The following GGT7 variants were observed in gnomAD, a reference collection of about 807,000 sequenced individuals.
GGT7 encodes the protein gamma-glutamyltransferase 7.
GGT7 carries 30 observed loss-of-function variants against 69.2 expected under a neutral mutation model. That is an observed-to-expected ratio of 0.43 (90% CI 0.32 to 0.59). The LOEUF is 0.59. Among genes scored for constraint, GGT7 ranks in the 20% least tolerant of loss-of-function variants. The pLI is 0.05. For synonymous variants in GGT7, 388 were observed against 391.8 expected (o/e 0.99, Z 0.12); for missense variants, 733 against 901.1 (o/e 0.81, Z 2.39).
chr20:34,853,340 GGTGTGTGTGTGTGTGTGTGTGTGTGTGT>G (rs10527077), intron 10 of GGT7, among the ~76,000 whole-genome samples: 1 of 147,326 alleles, frequency 6.8e-6, no homozygotes, highest in Admixed American at 6.9e-5. Context: ...ATTTCATATA[GGTGTGTGTGTGTGTGTGTGTGTGTGTGT>G]GTGTGTGTGT....
At chr20:34,867,464 G>C (rs2079710426) in intron 1 of GGT7, among the ~76,000 whole-genome samples, 1 of 152,072 alleles carries the variant, frequency 6.6e-6, no homozygotes, top group South Asian at 2.1e-4. Flanking sequence ...TGTAATCTCA[G>C]CACTTTGGGA....
chr20:34,858,879 GA>G (rs1413121029), intron 7 of GGT7, among the ~76,000 whole-genome samples: 1 of 152,156 alleles, frequency 6.6e-6, no homozygotes, highest in Non-Finnish European at 1.5e-5. Context: ...AATCAAGACA[GA>G]ACACTTCTGG....
Position 34,845,112 on chromosome 20 carries a change from TCACCACCACCACCAC to T in GGT7, c.*201_*215del, listed in dbSNP as rs79530197. On this transcript the variant is annotated 3_prime_UTR_variant, in exon 15 of 15. Coordinates refer to ENST00000336431, the MANE Select transcript of GGT7 (RefSeq NM_178026.3). Reference sequence around the variant, plus strand: ...CTGGCTGTACTGTAGATGCTGACACTCACCACCACCACCACCACCACCACCACCACCACCACCACC... The same window carrying T: ...CTGGCTGTACTGTAGATGCTGACACTCACCACCACCACCACCACCACCACC... The T allele has an allele frequency of 3.4e-3, 1,327 of 389,926 alleles. 34 individuals carry two copies. Among genetic ancestry groups the T allele is most frequent in the African/African-American group, 0.023 (1,026 of 44,026 alleles). The allele number at this position is 389,926 out of a possible 1,614,324, so 24.2% of individuals were successfully genotyped here.
intron 14 of GGT7, among the ~76,000 whole-genome samples, chr20:34,848,825 T>G (rs931196598): frequency 1.3e-5 from 2 of 152,250 alleles, no homozygotes; most frequent in African/African-American, 4.8e-5. Flanking sequence ...AGGCAAGGAC[T>G]GTGTCTCAAT....
rs746544534 is a variant in GGT7 at position 34,852,248 on chromosome 20, G to T, written c.1494C>A (p.Ser498Arg). ...GGATCCCCGAGGGGGTGATAAGGCC[G>T]CTGCCAAAGGGCTGGTTCAGGGAGC... Reference protein sequence around the residue: ...MVSSLNQPFGSGLITPSGILL... With the variant: ...MVSSLNQPFGRGLITPSGILL... Residue 498 changes from serine to arginine, a missense_variant, in exon 12 of 15, where the codon AGC becomes AGA. Transcript: ENST00000336431. 1.2e-6 allele frequency: 2 copies of T among 1,613,586 alleles called. No individual in the cohort carries two copies. The highest frequency in any genetic ancestry group is 4.5e-5 in the East Asian group (2 of 44,882).
Position 34,861,449 on chromosome 20 carries a change from G to A in GGT7, c.671C>T (p.Thr224Ile), listed in dbSNP as rs900704074. 1 of 1,529,050 alleles carries A rather than the reference G, an allele frequency of 6.5e-7. No homozygotes were observed. Among genetic ancestry groups the A allele is most frequent in the Non-Finnish European group, 8.9e-7 (1 of 1,118,732 alleles). 94.7% of individuals were successfully genotyped at this position (1,529,050 alleles called of 1,614,324 possible). A position where few individuals can be genotyped will look rare whatever the true frequency, so the allele number is the denominator to read the frequency against. Reference sequence around the variant, plus strand: ...TCTTCTCACCAGGGTCCCCACCTTGGTCTCCCAGGATCTTTGCAGGGTCTC... The same window carrying A: ...TCTTCTCACCAGGGTCCCCACCTTGATCTCCCAGGATCTTTGCAGGGTCTC... ...REETLQRSWETKPGLLVGVPG... is the reference protein window; with the variant it reads ...REETLQRSWEIKPGLLVGVPG... The change falls in exon 4 of 15, where the codon ACC (threonine) becomes ATC (isoleucine). Residue 224 changes from threonine to isoleucine, a missense_variant. Coordinates refer to ENST00000336431, the MANE Select transcript of GGT7 (RefSeq NM_178026.3).
In GGT7 at chr20:34,863,576, G is replaced by C. The variant is rs1313551288; in HGVS notation, c.170-28C>G. ...GCGGGCAGGCAGCCGGGGTCGGTCT[G>C]GGCATCTCCTATCTGGCCCTGCCCA... is the stretch of plus-strand genomic sequence containing the variant. On this transcript the variant is annotated intron_variant, in intron 1 of 14. Coordinates refer to ENST00000336431, the MANE Select transcript of GGT7 (RefSeq NM_178026.3). This position sits in a 1 kb window ranked among gnomAD's most constrained non-coding sequence, Gnocchi z 4.4. The C allele has an allele frequency of 2.0e-6, 3 of 1,472,518 alleles. No homozygotes were observed. Among genetic ancestry groups the C allele is most frequent in the African/African-American group, 1.4e-5 (1 of 71,720 alleles). The allele number at this position is 1,472,518 out of a possible 1,614,324, so 91.2% of individuals were successfully genotyped here.
At chr20:34,845,974 C>T in intron 14 of GGT7, among the ~76,000 whole-genome samples, 1 of 151,856 alleles carries the variant, frequency 6.6e-6, no homozygotes, top group Non-Finnish European at 1.5e-5. Context: ...GTAGGAGGAT[C>T]GCTTGACCCT....
chr20:34,851,021 G>A, intron 13 of GGT7: 1 of 677,242 alleles, frequency 1.5e-6, no homozygotes, highest in Non-Finnish European at 2.6e-6. Flanking sequence ...CTGCAACCGG[G>A]AAAGACAGGG....
rs1383462200 is a variant in GGT7 at position 34,860,263 on chromosome 20, A to C, written c.734T>G (p.Leu245Arg). ...GGGGGAGGGTTGTTACCTGCCATAG[A>C]GCTGGTGAGCTTCATGTAGCCCCTT... The part of the protein sequence containing the change: ...MVKGLHEAHQ[L>R]YGRLPWSQVL... The change falls in exon 5 of 15, where the codon CTC (leucine) becomes CGC (arginine). Residue 245 changes from leucine to arginine, a missense_variant. Physicochemically the swap from Leu to Arg is moderately radical, Grantham distance 102 (BLOSUM62 -2). Transcript: ENST00000336431. 6.2e-7 allele frequency: 1 copy of C among 1,612,762 alleles called. No individual in the cohort carries two copies. Among genetic ancestry groups the C allele is most frequent in the East Asian group, 2.2e-5 (1 of 44,852 alleles).
chr20:34,863,029 A>T lies in GGT7; in HGVS notation c.406-64T>A. The T allele has an allele frequency of 6.7e-7, 1 of 1,498,872 alleles. No individual in the cohort carries two copies. The highest frequency in any genetic ancestry group is 2.4e-5 in the East Asian group (1 of 41,728). The allele number at this position is 1,498,872 out of a possible 1,614,324, so 92.8% of individuals were successfully genotyped here. A position where few individuals can be genotyped will look rare whatever the true frequency, so the allele number is the denominator to read the frequency against. Reference sequence around the variant, plus strand: ...CTGTCCACCTCCCTAGGGCACCTCCACTAGCCCTAGAACTCTACGCGGCAT... The same window carrying T: ...CTGTCCACCTCCCTAGGGCACCTCCTCTAGCCCTAGAACTCTACGCGGCAT... On this transcript the variant is annotated intron_variant, in intron 2 of 14. Transcript: ENST00000336431. This position sits in a 1 kb window ranked among gnomAD's most constrained non-coding sequence, Gnocchi z 4.4.
In GGT7 at chr20:34,871,300, GCC is replaced by G. The variant is rs1289537995; in HGVS notation, c.169+1345_169+1346del. ...TGTTGAGCTGGAAGAGGAAACTAAG[GCC>G]CAGGACAGGGTAGGTGTGCCTGTTG... On this transcript the variant is annotated intron_variant, in intron 1 of 14. Transcript: ENST00000336431. Among the ~76,000 whole-genome samples, 4 of 152,278 alleles carry G rather than the reference GCC, an allele frequency of 2.6e-5. No individual in the cohort carries two copies. In the East Asian group the frequency reaches 7.7e-4, roughly 29 times the overall value.
At chr20:34,864,908 C>T (rs113469998) in intron 1 of GGT7, among the ~76,000 whole-genome samples, 50 of 151,798 alleles carry the variant, frequency 3.3e-4, no homozygotes, top group Non-Finnish European at 5.4e-4. Flanking sequence ...CTGCACCCTC[C>T]GCTTCCTGGG....
At chr20:34,858,406 C>G (rs1469311033) in intron 7 of GGT7, among the ~76,000 whole-genome samples, 4 of 152,184 alleles carry the variant, frequency 2.6e-5, no homozygotes, top group Non-Finnish European at 5.9e-5. Context: ...TTGAGTCTAT[C>G]GCCACATCCA....
chr20:34,851,395 G>A (rs1181074906), intron 12 of GGT7, 27 bp from the exon 13 acceptor site: 1 of 1,592,568 alleles, frequency 6.3e-7, no homozygotes, highest in Non-Finnish European at 8.6e-7. Context: ...GAGACCACAA[G>A]GGGCAGGTGG....
intron 1 of GGT7, among the ~76,000 whole-genome samples, chr20:34,864,936 C>A (rs961313999): frequency 6.6e-6 from 1 of 152,004 alleles, no homozygotes; most frequent in African/African-American, 2.4e-5. Context: ...GACTCTCTTG[C>A]CTCAGCCTCT....
At chr20:34,851,876 G>A (rs1176805627) in intron 12 of GGT7, among the ~76,000 whole-genome samples, 1 of 152,240 alleles carries the variant, frequency 6.6e-6, no homozygotes, top group Non-Finnish European at 1.5e-5. Flanking sequence ...TCAAATAGGA[G>A]CCAAAACCCT....
chr20:34,863,601 A>G lies in GGT7; in HGVS notation c.170-53T>C. The G allele has an allele frequency of 8.1e-7, 1 of 1,227,830 alleles. No homozygotes were observed. The highest frequency in any genetic ancestry group is 1.5e-5 in the African/African-American group (1 of 67,154). The allele number at this position is 1,227,830 out of a possible 1,614,324, so 76.1% of individuals were successfully genotyped here. On this transcript the variant is annotated intron_variant, in intron 1 of 14. Transcript: ENST00000336431. The surrounding 1 kb of genome is among the most constrained non-coding windows in gnomAD (Gnocchi z 4.4). ...GGGCATCTCCTATCTGGCCCTGCCC[A>G]CCCTCCAGGTGGGACTATTCAGCGC...
chr20:34,859,171 TA>T (rs11357916), intron 7 of GGT7, among the ~76,000 whole-genome samples: 94,470 of 143,874 alleles, frequency 0.66, 31,814 homozygotes, highest in African/African-American at 0.86. Flanking sequence ...CTCCGTCTCA[TA>T]AAAAAAAAAA....
Sources: allele counts gnomAD v4.1 joint callset (sites outside exome capture counted in the v4.1 genomes callset), GRCh38; gene constraint gnomAD v4.1.1; non-coding constraint Gnocchi (gnomAD v3.1); transcripts MANE v1.5; gene names NCBI Gene and HGNC (gene_info 2026-07-23, HGNC 2026-07-21).